CLIP2: variants seen among roughly 807,000 people sequenced by gnomAD.
The protein encoded by CLIP2 is CAP-Gly domain-containing linker protein 2.
Under a neutral mutation model 111.7 loss-of-function variants are expected in CLIP2, and 41 were observed. The ratio of observed to expected loss-of-function variants is 0.37; its 90% CI spans 0.29 to 0.48. CLIP2 has a LOEUF of 0.48. CLIP2 is among the 20% of genes least tolerant of loss of function. The pLI is 0.99. For missense variants in CLIP2, 1,160 were observed against 1,422.1 expected, an observed-to-expected ratio of 0.82 and a Z score of 2.96; for synonymous variants, 660 against 644.2, an observed-to-expected ratio of 1.02 and a Z score of -0.37.
chr7:74,349,507 TATATG>T, intron 3 of CLIP2, among the ~76,000 whole-genome samples: 1 of 135,438 alleles, frequency 7.4e-6, no homozygotes, highest in Admixed American at 7.7e-5. Context: ...TATATATATA[TATATG>T]TAAATAAAAA....
rs1239459735 is a variant in CLIP2 at position 74,312,684 on chromosome 7, C to T, written c.-67-4796C>T. Reference sequence around the variant, plus strand: ...GTACCCCAGCATGATTGACTCCCGGCCCCCAGAATTCCCGGGGCACCAGGG... The same window carrying T: ...GTACCCCAGCATGATTGACTCCCGGTCCCCAGAATTCCCGGGGCACCAGGG... On this transcript the variant is annotated intron_variant, in intron 1 of 16. Transcript: ENST00000223398. Among the ~76,000 whole-genome samples the T allele has an allele frequency of 2.6e-5, 4 of 152,252 alleles. No homozygotes were observed. In the East Asian group the frequency reaches 7.7e-4, roughly 29 times the overall value.
intron 1 of CLIP2, among the ~76,000 whole-genome samples, chr7:74,306,199 G>A (rs1788484223): frequency 6.6e-6 from 1 of 152,124 alleles, no homozygotes; most frequent in Non-Finnish European, 1.5e-5. Flanking sequence ...GTGCTGTTGT[G>A]CCTGGTGCCC....
intron 13 of CLIP2, 181 bp downstream of exon 13, chr7:74,389,440 A>G (rs1384735780): frequency 1.0e-5 from 6 of 573,634 alleles, no homozygotes; most frequent in Non-Finnish European, 1.5e-5. Context: ...AAGCCTCTAC[A>G]CTGTTTTCCA....
At chr7:74,349,270 A>G (rs909470947) in intron 3 of CLIP2, among the ~76,000 whole-genome samples, 2 of 151,374 alleles carry the variant, frequency 1.3e-5, no homozygotes, top group African/African-American at 2.4e-5. Flanking sequence ...GTCTCTACTA[A>G]AAATACAAAA....
chr7:74,399,583 A>C (rs1213196506), intron 14 of CLIP2, among the ~76,000 whole-genome samples: 1 of 142,782 alleles, frequency 7.0e-6, no homozygotes, highest in African/African-American at 2.5e-5. Flanking sequence ...TCTGTCGCCC[A>C]GGCTGGAGTG....
Position 74,372,942 on chromosome 7 carries a change from A to G in CLIP2, c.1391A>G (p.Gln464Arg), listed in dbSNP as rs1554312214. The change falls in exon 9 of 17, where the codon CAG becomes CGG. Residue 464 changes from glutamine to arginine, a missense_variant. This residue lies in a region of CLIP2 where 676 missense variants were observed against 777.8 expected (regional missense o/e 0.87). Coordinates refer to ENST00000223398, the MANE Select transcript of CLIP2 (RefSeq NM_003388.5). ...ITKGDLETQTQLEHARIGELE... is the reference protein window; with the variant it reads ...ITKGDLETQTRLEHARIGELE... ...CCCTGGGTGGACCAGACCCAGACGC[A>G]GCTGGAGCACGCGCGCATTGGGGAG... The G allele has an allele frequency of 7.6e-7, 1 of 1,312,498 alleles. No homozygotes were observed. Among genetic ancestry groups the G allele is most frequent in the East Asian group, 4.9e-5 (1 of 20,474 alleles). The allele number at this position is 1,312,498 out of a possible 1,614,324, so 81.3% of individuals were successfully genotyped here.
At chr7:74,386,461 TA>T in intron 11 of CLIP2, 59 bp from the exon 12 acceptor site, 4 of 1,424,380 alleles carry the variant, frequency 2.8e-6, no homozygotes, top group Non-Finnish European at 3.9e-6. Context: ...GCCATGGCCC[TA>T]CCCACTGCTG....
intron 10 of CLIP2, among the ~76,000 whole-genome samples, chr7:74,378,318 G>A (rs138510873): frequency 0.014 from 2,056 of 150,748 alleles, 42 homozygotes; most frequent in African/African-American, 0.048. Context: ...TGTAGAGATG[G>A]GGTTTCCTCA....
At chr7:74,346,704 C>G (rs1460871551) in intron 3 of CLIP2, among the ~76,000 whole-genome samples, 1 of 120,896 alleles carries the variant, frequency 8.3e-6, no homozygotes, top group Non-Finnish European at 1.6e-5. Flanking sequence ...GCCTGGGAGA[C>G]AGAGTAAGAT....
At chr7:74,309,153 G>A (rs1554728138) in intron 1 of CLIP2, among the ~76,000 whole-genome samples, 1 of 149,662 alleles carries the variant, frequency 6.7e-6, no homozygotes, top group African/African-American at 2.4e-5. Flanking sequence ...ACAGGTATAA[G>A]CCACTATGCC....
intron 3 of CLIP2, among the ~76,000 whole-genome samples, chr7:74,346,918 A>G (rs1554306439): frequency 1.3e-5 from 2 of 152,050 alleles, no homozygotes; most frequent in Non-Finnish European, 2.9e-5. Flanking sequence ...GCATGCCTCC[A>G]GTCCCAACTA....
Position 74,376,010 on chromosome 7 carries a change from C to G in CLIP2, c.1609C>G (p.Pro537Ala), listed in dbSNP as rs781812551. The G allele has an allele frequency of 2.5e-6, 4 of 1,612,446 alleles. No homozygotes were observed. The highest frequency in any genetic ancestry group is 3.4e-6 in the Non-Finnish European group (4 of 1,179,818). Reference protein sequence around the residue: ...LHSGPPPPDHPDAAEILRLRE... With the variant: ...LHSGPPPPDHADAAEILRLRE... ...CTCGGGTCCCCCACCTCCGGACCAC[C>G]CAGACGCCGCCGAGATCCTGCGGCT... The change falls in exon 10 of 17, where the codon CCA becomes GCA. Residue 537 changes from proline (P) to alanine (A), a missense_variant. Transcript: ENST00000223398. The surrounding 1 kb of genome is among the most constrained non-coding windows in gnomAD (Gnocchi z 7.1).
intron 3 of CLIP2, among the ~76,000 whole-genome samples, chr7:74,339,331 G>C (rs1372246764): frequency 1.9e-5 from 2 of 106,540 alleles, no homozygotes; most frequent in African/African-American, 2.7e-5. Flanking sequence ...TTGAGATGGA[G>C]TTTTGTTCTT....
rs1554312777 is a variant in CLIP2, at chr7:74,376,157, G to A, written c.1756G>A (p.Glu586Lys). 1.2e-6 allele frequency: 2 copies of A among 1,610,710 alleles called. No homozygotes were observed. The highest frequency in any genetic ancestry group is 1.3e-5 in the African/African-American group (1 of 74,904). Reference protein sequence around the residue: ...AEVDKLRAANEKYAQEVAGLK... With the variant: ...AEVDKLRAANKKYAQEVAGLK... The stretch of plus-strand genomic sequence containing the variant: ...GGTGGACAAGCTCCGCGCGGCCAAC[G>A]AGAAGTACGCACAGGAGGTGGCGGG... Residue 586 changes from glutamate (E) to lysine (K), a missense_variant, in exon 10 of 17, where the codon GAG (glutamate) becomes AAG (lysine). Physicochemically the swap from Glu to Lys is moderately conservative, Grantham distance 56. Around this residue, in one of 5 missense-constraint regions of CLIP2, gnomAD observed 676 missense variants for 777.8 expected, o/e 0.87. Transcript: ENST00000223398. The surrounding 1 kb of genome is among the most constrained non-coding windows in gnomAD (Gnocchi z 7.1).
intron 1 of CLIP2, among the ~76,000 whole-genome samples, chr7:74,310,696 G>A (rs1027676806): frequency 1.4e-4 from 21 of 151,902 alleles, no homozygotes; most frequent in Non-Finnish European, 2.8e-4. Context: ...GGGTTATATG[G>A]GAGGTGTATT....
At chr7:74,342,699 AG>A (rs1554305585) in intron 3 of CLIP2, among the ~76,000 whole-genome samples, 1 of 152,048 alleles carries the variant, frequency 6.6e-6, no homozygotes, top group Non-Finnish European at 1.5e-5. Flanking sequence ...GGATCACTTG[AG>A]GTCAGGAGTT....
At chr7:74,293,404 G>A (rs1467193895) in intron 1 of CLIP2, among the ~76,000 whole-genome samples, 1 of 152,250 alleles carries the variant, frequency 6.6e-6, no homozygotes, top group South Asian at 2.1e-4. Context: ...CCGTCTCCTT[G>A]GGTTGTGAGT....
In CLIP2 at chr7:74,300,612, C is replaced by T. The variant is rs373407392; in HGVS notation, c.-68+10878C>T. Among the ~76,000 whole-genome samples, 78 of 152,150 alleles carry T rather than the reference C, an allele frequency of 5.1e-4. No homozygotes were observed. The South Asian group carries it at 0.014, about 28-fold the overall frequency. On this transcript the variant is annotated intron_variant, in intron 1 of 16. Coordinates refer to ENST00000223398, the MANE Select transcript of CLIP2 (RefSeq NM_003388.5). Reference sequence around the variant, plus strand: ...CTGGGACTACCGGCGCCCGCCACCACGCCCGGCTAATTTTTTTATATTTTT... The same window carrying T: ...CTGGGACTACCGGCGCCCGCCACCATGCCCGGCTAATTTTTTTATATTTTT...
At position 74,322,792 on chromosome 7, in the gene CLIP2, G is replaced by A. The variant is rs145563833; in HGVS notation, c.121+5125G>A. ...TGTCACCAGGCTCAAGTGCAGTGGC[G>A]CGATCTTGGCTCACTGCAACCTTCG... On this transcript the variant is annotated intron_variant, in intron 2 of 16. Coordinates refer to ENST00000223398, the MANE Select transcript of CLIP2 (RefSeq NM_003388.5). 7.4e-4 allele frequency among the ~76,000 whole-genome samples: 112 copies of A among 152,106 alleles called. No homozygotes were observed. In the Middle Eastern group the frequency reaches 0.02, roughly 28 times the overall value.
Sources: allele counts gnomAD v4.1 joint callset (sites outside exome capture counted in the v4.1 genomes callset), GRCh38; gene constraint gnomAD v4.1.1; regional missense constraint gnomAD v4.1.1; non-coding constraint Gnocchi (gnomAD v3.1); transcripts MANE v1.5; gene names NCBI Gene and HGNC (gene_info 2026-07-23, HGNC 2026-07-21).